SMIM35: variants seen among roughly 807,000 people sequenced by gnomAD.
SMIM35 encodes the protein small integral membrane protein 35.
intron 1 of SMIM35, among the ~76,000 whole-genome samples, chr11:118,016,874 A>G (rs1449382090): frequency 1.3e-5 from 2 of 152,246 alleles, no homozygotes; most frequent in Admixed American, 1.3e-4. Context: ...TGTTGTTGTC[A>G]TTAGTATTAT....
intron 1 of SMIM35, among the ~76,000 whole-genome samples, chr11:118,082,916 C>T (rs866340453): frequency 1.3e-5 from 2 of 152,182 alleles, no homozygotes; most frequent in African/African-American, 2.4e-5. Context: ...GTTCCCCAAG[C>T]GTACTTTGAC....
intron 1 of SMIM35, among the ~76,000 whole-genome samples, chr11:118,027,897 T>G (rs1475707128): frequency 1.3e-5 from 2 of 152,180 alleles, no homozygotes; most frequent in Non-Finnish European, 2.9e-5. Context: ...CTCTTACCAT[T>G]AAGATGCAAG....
chr11:118,055,665 C>T (rs1216886826), intron 1 of SMIM35, among the ~76,000 whole-genome samples: 2 of 152,176 alleles, frequency 1.3e-5, no homozygotes, highest in Non-Finnish European at 2.9e-5. Context: ...TCCTCCTCTT[C>T]ACACCAGCTC....
In SMIM35 at chr11:118,009,137, G is replaced by C. The variant is rs117792848; in HGVS notation, c.*34-2761C>G. On this transcript the variant is annotated intron_variant, in intron 4 of 4. Transcript: ENST00000689828. ...AAAACAAAAGGAAGAAAGAGGAGTG[G>C]GTCAGTGGGAAGCTCAGAGCTGAGG... is the stretch of plus-strand genomic sequence containing the variant. Among the ~76,000 whole-genome samples, 3 of 152,228 alleles carry C rather than the reference G, an allele frequency of 2.0e-5. No homozygotes were observed. The East Asian group carries it at 5.8e-4, about 29-fold the overall frequency.
At chr11:118,046,689 C>A (rs1350757468) in intron 1 of SMIM35, among the ~76,000 whole-genome samples, 1 of 152,202 alleles carries the variant, frequency 6.6e-6, no homozygotes. Context: ...CCAGACCTAT[C>A]CAAGGAAACT....
chr11:118,080,398 C>T (rs1945030262), intron 1 of SMIM35, among the ~76,000 whole-genome samples: 1 of 152,182 alleles, frequency 6.6e-6, no homozygotes, highest in Non-Finnish European at 1.5e-5. Flanking sequence ...TCCGGCACTC[C>T]AGGTCATGGG....
At chr11:118,027,610 T>C (rs1455149579) in intron 1 of SMIM35, among the ~76,000 whole-genome samples, 1 of 152,238 alleles carries the variant, frequency 6.6e-6, no homozygotes, top group Non-Finnish European at 1.5e-5. Flanking sequence ...CTATAACTTT[T>C]AGAGCAGGCT....
chr11:118,040,560 G>T (rs1259289345), intron 1 of SMIM35, among the ~76,000 whole-genome samples: 1 of 152,140 alleles, frequency 6.6e-6, no homozygotes, highest in Admixed American at 6.5e-5. Context: ...GATGGAATTT[G>T]TTGCTAGCAG....
At position 118,046,192 on chromosome 11, in the gene SMIM35, A is replaced by G. The variant is rs886139283; in HGVS notation, c.8-30383T>C. Among the ~76,000 whole-genome samples the G allele has an allele frequency of 5.9e-4, 90 of 152,318 alleles. 1 individual carries two copies. Among genetic ancestry groups the G allele is most frequent in the African/African-American group, 2.1e-3 (86 of 41,564 alleles). On this transcript the variant is annotated intron_variant, in intron 1 of 4. Coordinates refer to ENST00000689828, the MANE Select transcript of SMIM35 (RefSeq NM_001394165.1). ...TACCCATAGAGATCTCCACCTACTG[A>G]TGACCAAAAGTCTGCCTTTGATCTC...
At chr11:118,069,745 G>T (rs552350242) in intron 1 of SMIM35, among the ~76,000 whole-genome samples, 2 of 152,234 alleles carry the variant, frequency 1.3e-5, no homozygotes, top group African/African-American at 4.8e-5. Flanking sequence ...TTGGGAGCTG[G>T]TTCCCTATAA....
chr11:118,065,276 C>G (rs1944454800), intron 1 of SMIM35, among the ~76,000 whole-genome samples: 1 of 152,184 alleles, frequency 6.6e-6, no homozygotes, highest in African/African-American at 2.4e-5. Flanking sequence ...GCCTAGAGCA[C>G]CGTGAAGAGG....
At chr11:118,024,017 A>T (rs945346094) in intron 1 of SMIM35, among the ~76,000 whole-genome samples, 1 of 114,574 alleles carries the variant, frequency 8.7e-6, no homozygotes, top group South Asian at 2.6e-4. Flanking sequence ...GCCTTCTCCA[A>T]AAAAAAAAAA....
chr11:118,081,358 G>A (rs1945113968), intron 1 of SMIM35, among the ~76,000 whole-genome samples: 1 of 152,114 alleles, frequency 6.6e-6, no homozygotes, highest in Non-Finnish European at 1.5e-5. Context: ...AGCCAATGTG[G>A]CAATCCCCCT....
chr11:118,029,847 G>A, intron 1 of SMIM35: 2 of 455,042 alleles, frequency 4.4e-6, no homozygotes, highest in Non-Finnish European at 8.8e-6. Context: ...CTTAATGCTA[G>A]CATCTGCCTC....
intron 1 of SMIM35, among the ~76,000 whole-genome samples, chr11:118,082,810 T>C (rs1213939918): frequency 6.6e-6 from 1 of 152,190 alleles, no homozygotes; most frequent in Non-Finnish European, 1.5e-5. Flanking sequence ...ACTAATCCTA[T>C]CTGTGGGAGG....
chr11:118,043,317 A>G (rs1944036049), intron 1 of SMIM35, among the ~76,000 whole-genome samples: 1 of 152,182 alleles, frequency 6.6e-6, no homozygotes, highest in Middle Eastern at 3.2e-3. Context: ...GAATCCACAG[A>G]CAAATGTATA....
intron 1 of SMIM35, among the ~76,000 whole-genome samples, chr11:118,080,262 T>G (rs147796799): frequency 6.6e-6 from 1 of 152,226 alleles, no homozygotes; most frequent in East Asian, 1.9e-4. Context: ...CTCTGAAGGA[T>G]GGGCAGGCTC....
intron 1 of SMIM35, among the ~76,000 whole-genome samples, chr11:118,039,960 G>A (rs775064058): frequency 1.5e-4 from 22 of 149,756 alleles, no homozygotes; most frequent in Non-Finnish European, 2.8e-4. Flanking sequence ...TGGTAGGATC[G>A]CTTGAACCAG....
intron 1 of SMIM35, among the ~76,000 whole-genome samples, chr11:118,024,259 T>A (rs896695470): frequency 1.3e-5 from 2 of 152,196 alleles, no homozygotes; most frequent in Non-Finnish European, 2.9e-5. Context: ...TCATAACTCT[T>A]TTTTTATTAC....
Sources: allele counts gnomAD v4.1 joint callset (sites outside exome capture counted in the v4.1 genomes callset), GRCh38; gene constraint gnomAD v4.1.1; transcripts MANE v1.5; gene names NCBI Gene and HGNC (gene_info 2026-07-23, HGNC 2026-07-21).